The following RNF20 variants were observed in gnomAD, a reference collection of about 807,000 sequenced individuals.
The protein encoded by RNF20 is E3 ubiquitin-protein ligase BRE1A.
A neutral mutation model predicts 126.2 loss-of-function variants in RNF20; 84 were observed. The ratio of observed to expected loss-of-function variants is 0.67; its 90% CI spans 0.56 to 0.80. The LOEUF (loss-of-function observed/expected upper bound fraction) is 0.80. RNF20 is among the 30% of genes least tolerant of loss of function. The pLI is 0.00. For missense variants in RNF20, 869 were observed against 1,188.2 expected, an observed-to-expected ratio of 0.73 and a Z score of 3.95; for synonymous variants, 400 against 414.3, an observed-to-expected ratio of 0.97 and a Z score of 0.42.
chr9:101,553,922 C>A, intron 13 of RNF20, 66 bp from the exon 14 acceptor site: 1 of 850,610 alleles, frequency 1.2e-6, no homozygotes. Flanking sequence ...AATCAAAATT[C>A]CCTTGCTCTG....
intron 6 of RNF20, 56 bp from the exon 7 acceptor site, chr9:101,546,764 A>G: frequency 6.3e-7 from 1 of 1,588,490 alleles, no homozygotes; most frequent in Non-Finnish European, 8.6e-7. Flanking sequence ...GGTTAATATT[A>G]TGGAATTTGG....
intron 2 of RNF20, among the ~76,000 whole-genome samples, chr9:101,537,811 T>C (rs1226734863): frequency 6.6e-6 from 1 of 152,206 alleles, no homozygotes; most frequent in Admixed American, 6.5e-5. Context: ...AAGGGAGGAC[T>C]GAGGTGTTAT....
At chr9:101,554,225 C>A in intron 14 of RNF20, 120 bp downstream of exon 14, 1 of 597,126 alleles carries the variant, frequency 1.7e-6, no homozygotes, top group Non-Finnish European at 3.0e-6. Context: ...TTAAGTGCAA[C>A]ATTTTCTGCC....
Position 101,550,702 on chromosome 9 carries a change from C to G in RNF20, c.1189C>G (p.Gln397Glu). 6.2e-7 allele frequency: 1 copy of G among 1,614,102 alleles called. No individual in the cohort carries two copies. Residue 397 changes from glutamine (Q) to glutamate (E), a missense_variant, in exon 10 of 20, where the codon CAG (glutamine) becomes GAG (glutamate). Physicochemically the swap from Gln to Glu is conservative, Grantham distance 29. This residue lies in a region of RNF20 where 153 missense variants were observed against 226.4 expected (regional missense o/e 0.68). Transcript: ENST00000389120. The stretch of plus-strand genomic sequence containing the variant: ...CTCCGTCTTGTATAATGAGAGCCTA[C>G]AGTTGAAAGCACACTTGGATGAGGC... ...QFSVLYNESL[Q>E]LKAHLDEART... is the part of the protein sequence containing the mutation.
chr9:101,535,576 A>G, intron 2 of RNF20, 24 bp downstream of exon 2: 3 of 1,599,804 alleles, frequency 1.9e-6, no homozygotes, highest in Non-Finnish European at 2.6e-6. Flanking sequence ...GTGCCATGAA[A>G]GTGTGCTTGT....
rs192217238 is a variant in RNF20 at position 101,560,672 on chromosome 9, A to T, written c.2383-129A>T. The T allele has an allele frequency of 2.8e-5, 23 of 828,848 alleles. No individual in the cohort carries two copies. The East Asian group carries it at 5.1e-4, about 18-fold the overall frequency. The allele number at this position is 828,848 out of a possible 1,614,324, so 51.3% of individuals were successfully genotyped here. On this transcript the variant is annotated intron_variant, in intron 16 of 19. Coordinates refer to ENST00000389120, the MANE Select transcript of RNF20 (RefSeq NM_019592.7). ...AGTCTTGATGTATTTTGAAGGGTTCATGGGCAAAATCAGTAATAGTTTGAG... is the reference window on the plus strand; with the variant it reads ...AGTCTTGATGTATTTTGAAGGGTTCTTGGGCAAAATCAGTAATAGTTTGAG...
intron 4 of RNF20, 71 bp from the exon 5 acceptor site, chr9:101,540,722 A>T: frequency 1.3e-6 from 2 of 1,577,524 alleles, no homozygotes; most frequent in Non-Finnish European, 1.7e-6. Context: ...CATTTGAGGG[A>T]AAAAAAATGG....
At chr9:101,557,339 G>C in intron 15 of RNF20, 45 bp from the exon 16 acceptor site, 1 of 1,415,970 alleles carries the variant, frequency 7.1e-7, no homozygotes, top group Non-Finnish European at 1.0e-6. Context: ...TTCCATTGAA[G>C]TTGGAAGATT....
At chr9:101,542,570 A>G (rs1263560577) in intron 5 of RNF20, among the ~76,000 whole-genome samples, 1 of 152,184 alleles carries the variant, frequency 6.6e-6, no homozygotes, top group African/African-American at 2.4e-5. Flanking sequence ...CTGTCACCTA[A>G]TATAAAATAA....
Position 101,557,299 on chromosome 9 carries a change from A to C in RNF20, c.2170-85A>C, listed in dbSNP as rs926421103. ...CACTAAATTAATTTATATCTAAATG[A>C]ACAGTGGGAAAATTTAGTTTCCTGT... On this transcript the variant is annotated intron_variant, in intron 15 of 19. Transcript: ENST00000389120. 6 of 928,214 alleles carry C rather than the reference A, an allele frequency of 6.5e-6. No individual in the cohort carries two copies. The African/African-American group carries it at 1.0e-4, about 15-fold the overall frequency. The allele number at this position is 928,214 out of a possible 1,614,324, so 57.5% of individuals were successfully genotyped here. A position where few individuals can be genotyped will look rare whatever the true frequency, so the allele number is the denominator to read the frequency against.
Position 101,540,272 on chromosome 9 carries a change from G to T in RNF20, c.199G>T (p.Ala67Ser). 18 of 1,614,118 alleles carry T rather than the reference G, an allele frequency of 1.1e-5. No individual in the cohort carries two copies. Among genetic ancestry groups the T allele is most frequent in the Non-Finnish European group, 1.4e-5 (17 of 1,180,002 alleles). Residue 67 changes from alanine to serine, a missense_variant, in exon 3 of 20, where the codon GCC becomes TCC. Ala to Ser is a moderately conservative substitution (Grantham distance 99). Around this residue, in one of 8 missense-constraint regions of RNF20, gnomAD observed 157 missense variants for 236.0 expected, o/e 0.67. Transcript: ENST00000389120. ...GGCAGAAATGTTGGATCAGCGGCAG[G>T]CCATTGAAGATGAACTTCGTGAGCA... Reference protein sequence around the residue: ...KLAEMLDQRQAIEDELREHIE... With the variant: ...KLAEMLDQRQSIEDELREHIE...
chr9:101,547,491 G>A lies in RNF20; in HGVS notation c.1065G>A (p.Glu355=). The A allele has an allele frequency of 6.2e-7, 1 of 1,614,116 alleles. No individual in the cohort carries two copies. Among genetic ancestry groups the A allele is most frequent in the Non-Finnish European group, 8.5e-7 (1 of 1,179,986 alleles). ...ELEKLRQDFE[E]VTTQNEKLKV... ...AGAAACTTCGGCAAGACTTTGAGGA[G>A]GTCACTACACAAAATGAAAAGCTGA... Residue 355 remains glutamate (E), a synonymous_variant, in exon 9 of 20, where the codon GAG becomes GAA. Transcript: ENST00000389120.
At chr9:101,544,208 G>A (rs187845337) in intron 5 of RNF20, among the ~76,000 whole-genome samples, 3 of 152,236 alleles carry the variant, frequency 2.0e-5, no homozygotes. Context: ...GTACATTTTG[G>A]TTTTTAAGCT....
At chr9:101,558,023 T>G (rs1588226639) in intron 16 of RNF20, among the ~76,000 whole-genome samples, 1 of 151,688 alleles carries the variant, frequency 6.6e-6, no homozygotes, top group East Asian at 1.9e-4. Flanking sequence ...TTTTTTTTTT[T>G]TAAATTTCCA....
rs760540940 is a variant in RNF20 at position 101,561,134 on chromosome 9, G to A, written c.2553G>A (p.Leu851=). 1 of 1,613,908 alleles carries A rather than the reference G, an allele frequency of 6.2e-7. No homozygotes were observed. The highest frequency in any genetic ancestry group is 2.2e-5 in the East Asian group (1 of 44,882). The change falls in exon 18 of 20, where the codon CTG becomes CTA. Residue 851 remains leucine, a synonymous_variant. Coordinates refer to ENST00000389120, the MANE Select transcript of RNF20 (RefSeq NM_019592.7). The part of the protein sequence containing the change: ...AQLADDLKAQ[L]ELAQKKLHDF... Reference sequence around the variant, plus strand: ...TTGCAGATGACCTCAAAGCACAACTGGAGTTGGCTCAGAAGAAGCTACATG... The same window carrying A: ...TTGCAGATGACCTCAAAGCACAACTAGAGTTGGCTCAGAAGAAGCTACATG...
rs769903491 is a variant in RNF20, at chr9:101,540,598, T to C, written c.406T>C (p.Ser136Pro). The change falls in exon 4 of 20, where the codon TCT becomes CCT. Residue 136 changes from serine (S) to proline (P), a missense_variant. This residue lies in a region of RNF20 where 157 missense variants were observed against 236.0 expected (regional missense o/e 0.67). Transcript: ENST00000389120. ...ALVVPEPEPDSDSNQERKDDR... is the reference protein window; with the variant it reads ...ALVVPEPEPDPDSNQERKDDR... ...TGTTGTGCCTGAACCAGAACCAGAC[T>C]CTGATAGCAATCAGGAGCGTAAAGA... 6.2e-7 allele frequency: 1 copy of C among 1,614,082 alleles called. No individual in the cohort carries two copies. Among genetic ancestry groups the C allele is most frequent in the Non-Finnish European group, 8.5e-7 (1 of 1,180,006 alleles).
chr9:101,558,414 A>G lies in RNF20; in HGVS notation c.2382+818A>G, dbSNP rs537671683. 1.4e-4 allele frequency among the ~76,000 whole-genome samples: 21 copies of G among 152,182 alleles called. No individual in the cohort carries two copies. In the South Asian group the frequency reaches 4.3e-3, roughly 32 times the overall value. The stretch of plus-strand genomic sequence containing the variant: ...CCATGGCGTGACTTTTCCTCTGGGT[A>G]GATACCCGGAAGTGGGATTGCGGAA... On this transcript the variant is annotated intron_variant, in intron 16 of 19. Coordinates refer to ENST00000389120, the MANE Select transcript of RNF20 (RefSeq NM_019592.7).
intron 6 of RNF20, 82 bp downstream of exon 6, chr9:101,544,967 T>G: frequency 1.2e-6 from 1 of 855,142 alleles, no homozygotes; most frequent in South Asian, 1.3e-5. Flanking sequence ...CCTCAAAGAT[T>G]ACCTTACTCT....
intron 19 of RNF20, 88 bp downstream of exon 19, chr9:101,562,099 A>G (rs1827636403): frequency 7.7e-7 from 1 of 1,303,966 alleles, no homozygotes; most frequent in African/African-American, 1.5e-5. Flanking sequence ...GATAGTAACC[A>G]GAGAATGGTT....
Sources: allele counts gnomAD v4.1 joint callset (sites outside exome capture counted in the v4.1 genomes callset), GRCh38; gene constraint gnomAD v4.1.1; regional missense constraint gnomAD v4.1.1; transcripts MANE v1.5; gene names NCBI Gene and HGNC (gene_info 2026-07-23, HGNC 2026-07-21).